The following TGM6 variants were observed in gnomAD, a reference collection of about 807,000 sequenced individuals.
TGM6 encodes the protein transglutaminase 6.
A neutral mutation model predicts 77.5 loss-of-function variants in TGM6; 74 were observed. That is an observed-to-expected ratio of 0.96 (90% CI 0.79 to 1.16). TGM6 has a LOEUF of 1.16. Ranked by LOEUF, TGM6 falls within the 50% of genes most tolerant of loss-of-function variation. The pLI is 0.00. For missense variants in TGM6, 968 were observed against 940.2 expected (o/e 1.03, Z -0.39); for synonymous variants, 383 against 378.9 (o/e 1.01, Z -0.12).
intron 10 of TGM6, among the ~76,000 whole-genome samples, chr20:2,420,180 G>A (rs1214515604): frequency 6.6e-6 from 1 of 152,132 alleles, no homozygotes; most frequent in Non-Finnish European, 1.5e-5. Context: ...AGGAGGCAGA[G>A]CTTGCAGTGA....
chr20:2,392,719 T>G (rs73071383), intron 1 of TGM6, among the ~76,000 whole-genome samples: 14,307 of 152,162 alleles, frequency 0.094, 730 homozygotes, highest in African/African-American at 0.1. Flanking sequence ...TGGGGCAACA[T>G]GGCGAAACCT....
At chr20:2,401,349 T>C (rs1403672725) in intron 7 of TGM6, among the ~76,000 whole-genome samples, 3 of 152,152 alleles carry the variant, frequency 2.0e-5, no homozygotes, top group Admixed American at 2.0e-4. Context: ...ATCCTCCTCC[T>C]GGAGGCAACA....
chr20:2,394,880 G>C (rs767612031), intron 2 of TGM6, among the ~76,000 whole-genome samples: 8 of 152,182 alleles, frequency 5.3e-5, no homozygotes, highest in African/African-American at 9.7e-5. Flanking sequence ...CAGGGCTCTG[G>C]AAGGGTATGA....
intron 1 of TGM6, among the ~76,000 whole-genome samples, chr20:2,381,447 G>A (rs1037476044): frequency 6.6e-6 from 1 of 152,220 alleles, no homozygotes; most frequent in Non-Finnish European, 1.5e-5. Context: ...TGGCTCAAGT[G>A]AAAACAGCTA....
chr20:2,406,247 G>A (rs2084749618), intron 9 of TGM6, among the ~76,000 whole-genome samples: 1 of 152,154 alleles, frequency 6.6e-6, no homozygotes, highest in Admixed American at 6.5e-5. Flanking sequence ...CAGATTGATT[G>A]CTGGGTCCCT....
chr20:2,412,041 G>A (rs1022317922), intron 9 of TGM6, among the ~76,000 whole-genome samples: 4 of 152,028 alleles, frequency 2.6e-5, no homozygotes, highest in East Asian at 1.9e-4. Context: ...CCCTGAATAC[G>A]CCCAATCTCA....
chr20:2,412,455 A>G (rs1366527134), intron 9 of TGM6, among the ~76,000 whole-genome samples: 1 of 152,074 alleles, frequency 6.6e-6, no homozygotes, highest in Non-Finnish European at 1.5e-5. Context: ...ACACTGAAGT[A>G]TACACTTAAA....
At chr20:2,395,022 G>A (rs1309449908) in intron 2 of TGM6, among the ~76,000 whole-genome samples, 172 bp from the exon 3 acceptor site, 1 of 152,262 alleles carries the variant, frequency 6.6e-6, no homozygotes, top group African/African-American at 2.4e-5. Context: ...GGCAGCTGAG[G>A]TGGACCCTCA....
chr20:2,396,409 C>G, intron 3 of TGM6, 97 bp from the exon 4 acceptor site: 1 of 1,258,298 alleles, frequency 7.9e-7, no homozygotes, highest in Non-Finnish European at 1.2e-6. Flanking sequence ...AGTCAGCCTC[C>G]GGGCGCTGCC....
intron 2 of TGM6, among the ~76,000 whole-genome samples, chr20:2,394,842 C>A (rs1196708427): frequency 3.9e-5 from 6 of 152,138 alleles, no homozygotes; most frequent in Admixed American, 3.9e-4. Flanking sequence ...GGGATGACCT[C>A]TCTGGAACCC....
rs1401270778 is a variant in TGM6 at position 2,417,578 on chromosome 20, G to A, written c.1678+5G>A. On this transcript the variant is annotated splice_donor_5th_base_variant and intron_variant, in intron 10 of 12. Coordinates refer to ENST00000202625, the MANE Select transcript of TGM6 (RefSeq NM_198994.3). ...TGAGGCTGGGGCCGCAAGAAGGTAA[G>A]TGTACGCTGGCTTGGTGGAATCAGG... 6.3e-7 allele frequency: 1 copy of A among 1,596,724 alleles called. No individual in the cohort carries two copies.
Position 2,417,281 on chromosome 20 carries a change from C to A in TGM6, c.1386C>A (p.Phe462Leu). Residue 462 changes from phenylalanine (F) to leucine (L), a missense_variant, in exon 10 of 13, where the codon TTC becomes TTA. Phe to Leu is a conservative substitution (Grantham distance 22, BLOSUM62 0). Coordinates refer to ENST00000202625, the MANE Select transcript of TGM6 (RefSeq NM_198994.3). Reference sequence around the variant, plus strand: ...ACAGCAAGGCGGTGAACAGGCTGTTCGGCGTGGAAGCCTCTGGAAGGAGAA... The same window carrying A: ...ACAGCAAGGCGGTGAACAGGCTGTTAGGCGTGGAAGCCTCTGGAAGGAGAA... Reference protein sequence around the residue: ...QVYSKAVNRLFGVEASGRRIW... With the variant: ...QVYSKAVNRLLGVEASGRRIW... The A allele has an allele frequency of 1.2e-6, 2 of 1,610,752 alleles. No homozygotes were observed. Among genetic ancestry groups the A allele is most frequent in the Non-Finnish European group, 8.5e-7 (1 of 1,178,684 alleles).
At chr20:2,417,012 G>A (rs1001242742) in intron 9 of TGM6, among the ~76,000 whole-genome samples, 24 of 152,152 alleles carry the variant, frequency 1.6e-4, no homozygotes, top group African/African-American at 5.6e-4. Flanking sequence ...ATTATTATCT[G>A]AGGCTTTTGA....
intron 10 of TGM6, among the ~76,000 whole-genome samples, chr20:2,428,371 C>A (rs1816125904): frequency 6.6e-6 from 1 of 152,112 alleles, no homozygotes; most frequent in Non-Finnish European, 1.5e-5. Context: ...TTTTAAAGGG[C>A]TACTTTTCTC....
chr20:2,396,838 C>T (rs2084672302), intron 4 of TGM6, among the ~76,000 whole-genome samples: 1 of 152,150 alleles, frequency 6.6e-6, no homozygotes, highest in African/African-American at 2.4e-5. Flanking sequence ...AAGGTTTGGA[C>T]ACAGAACAGG....
chr20:2,406,831 CAAAAAAAAA>C (rs3050731), intron 9 of TGM6, among the ~76,000 whole-genome samples: 13 of 63,702 alleles, frequency 2.0e-4, no homozygotes, highest in East Asian at 7.9e-4. Context: ...CGAAACTCCT[CAAAAAAAAA>C]AAAAAAAAAA....
intron 1 of TGM6, among the ~76,000 whole-genome samples, chr20:2,383,930 AC>A (rs2084574350): frequency 6.6e-6 from 1 of 151,754 alleles, no homozygotes. Flanking sequence ...ACACGGTGAA[AC>A]CCCATCTCTA....
At chr20:2,385,256 G>A (rs1160923653) in intron 1 of TGM6, among the ~76,000 whole-genome samples, 1 of 152,166 alleles carries the variant, frequency 6.6e-6, no homozygotes, top group East Asian at 1.9e-4. Context: ...AGAGGGTGAT[G>A]GGAGCTGCTT....
At position 2,403,636 on chromosome 20, in the gene TGM6, C is replaced by T. The variant is rs1218349628; in HGVS notation, c.1149C>T (p.His383=). The change falls in exon 9 of 13, where the codon CAC becomes CAT. Residue 383 remains histidine, a synonymous_variant. Coordinates refer to ENST00000202625, the MANE Select transcript of TGM6 (RefSeq NM_198994.3). ...SVTAIREGDV[H]LAHDGPFVFA... is the part of the protein sequence containing the mutation. ...CCGCCATCCGCGAGGGTGATGTGCA[C>T]CTGGCTCACGATGGCCCCTTCGTGT... is the stretch of plus-strand genomic sequence containing the variant. The T allele has an allele frequency of 2.5e-6, 4 of 1,614,198 alleles. No homozygotes were observed. Among genetic ancestry groups the T allele is most frequent in the South Asian group, 1.1e-5 (1 of 91,090 alleles).
Sources: allele counts gnomAD v4.1 joint callset (sites outside exome capture counted in the v4.1 genomes callset), GRCh38; gene constraint gnomAD v4.1.1; transcripts MANE v1.5; gene names NCBI Gene and HGNC (gene_info 2026-07-23, HGNC 2026-07-21).